Variants in PTTG1IP observed in about 807,000 individuals in gnomAD.
PTTG1IP encodes PTTG1 interacting protein.
Under a neutral mutation model 24.4 loss-of-function variants are expected in PTTG1IP, and 16 were observed. The observed-to-expected ratio is 0.66, with a 90% CI of 0.44 to 1.00. The LOEUF (loss-of-function observed/expected upper bound fraction) is 1.00. Ranked by LOEUF, PTTG1IP falls within the 50% of genes least tolerant of loss-of-function variation. PTTG1IP has a pLI of 0.00. For synonymous variants in PTTG1IP, 89 were observed against 96.8 expected, an observed-to-expected ratio of 0.92 and a Z score of 0.47; for missense variants, 241 against 245.8, an observed-to-expected ratio of 0.98 and a Z score of 0.13.
At chr21:44,864,447 A>G (rs2083519112) in intron 2 of PTTG1IP, among the ~76,000 whole-genome samples, 1 of 152,224 alleles carries the variant, frequency 6.6e-6, no homozygotes, top group Non-Finnish European at 1.5e-5. Flanking sequence ...CCCAGGCTAG[A>G]GTGCAGTGGC....
At chr21:44,861,881 C>A in intron 2 of PTTG1IP, 2 of 716,720 alleles carry the variant, frequency 2.8e-6, no homozygotes, top group South Asian at 3.0e-5. Context: ...TGAGCATGGT[C>A]ACCATCTGTA....
intron 2 of PTTG1IP, among the ~76,000 whole-genome samples, chr21:44,865,157 T>G (rs2083525673): frequency 6.6e-6 from 1 of 152,196 alleles, no homozygotes. Context: ...CCCATCTGCA[T>G]AGGAGTGAAA....
In PTTG1IP at chr21:44,862,332, C is replaced by T. The variant is rs578222568; in HGVS notation, c.169-1061G>A. On this transcript the variant is annotated intron_variant, in intron 2 of 5. Transcript: ENST00000330938. Reference sequence around the variant, plus strand: ...GTCAGAAGTTCGGGATCAGCCTGACCAACATGGAGAAACCCCATCTTTGTT... The same window carrying T: ...GTCAGAAGTTCGGGATCAGCCTGACTAACATGGAGAAACCCCATCTTTGTT... Among the ~76,000 whole-genome samples the T allele has an allele frequency of 2.0e-5, 3 of 152,290 alleles. No individual in the cohort carries two copies. In the East Asian group the frequency reaches 5.8e-4, roughly 29 times the overall value.
chr21:44,856,551 C>T (rs1211638797), intron 3 of PTTG1IP, among the ~76,000 whole-genome samples, 187 bp from the exon 4 acceptor site: 2 of 152,216 alleles, frequency 1.3e-5, no homozygotes, highest in East Asian at 1.9e-4. Flanking sequence ...CACAGGGTCC[C>T]GCCCTCTCCA....
intron 3 of PTTG1IP, among the ~76,000 whole-genome samples, chr21:44,856,783 C>A (rs1367182788): frequency 6.6e-6 from 1 of 152,156 alleles, no homozygotes; most frequent in Non-Finnish European, 1.5e-5. Flanking sequence ...CCTGATGCAG[C>A]TTTCTTTTTT....
chr21:44,859,872 GGTAA>G (rs2083477109), intron 3 of PTTG1IP, among the ~76,000 whole-genome samples: 1 of 152,094 alleles, frequency 6.6e-6, no homozygotes, highest in East Asian at 1.9e-4. Flanking sequence ...TTAGAAGAGT[GGTAA>G]GTAAGACGTA....
chr21:44,860,430 G>A (rs149273620), intron 3 of PTTG1IP, among the ~76,000 whole-genome samples: 5 of 150,128 alleles, frequency 3.3e-5, no homozygotes, highest in Admixed American at 2.0e-4. Flanking sequence ...ATTTAAAAAC[G>A]CCTCCAAAAT....
chr21:44,850,659 C>T lies in PTTG1IP; in HGVS notation c.*922G>A, dbSNP rs2083404078. 1 of 152,370 alleles carries T rather than the reference C, an allele frequency of 6.6e-6. No homozygotes were observed. Among genetic ancestry groups the T allele is most frequent in the Non-Finnish European group, 1.5e-5 (1 of 68,140 alleles). 9.4% of individuals were successfully genotyped at this position (152,370 alleles called of 1,614,324 possible). ...GGGGTGGACCCCGTCCCCACGATCC[C>T]TAAATGGCCACCCCCCAGACAGCCC... On this transcript the variant is annotated 3_prime_UTR_variant, in exon 6 of 6. Transcript: ENST00000330938.
intron 3 of PTTG1IP, among the ~76,000 whole-genome samples, chr21:44,858,536 A>T (rs2083465765): frequency 6.6e-6 from 1 of 152,126 alleles, no homozygotes; most frequent in African/African-American, 2.4e-5. Context: ...AATTAACCAA[A>T]CAAGCCCATC....
At chr21:44,869,137 G>T (rs2093554828) in intron 1 of PTTG1IP, among the ~76,000 whole-genome samples, 1 of 152,220 alleles carries the variant, frequency 6.6e-6, no homozygotes, top group African/African-American at 2.4e-5. Context: ...TCAAGACAAA[G>T]AGGAACTATT....
At chr21:44,871,006 TCAG>T (rs755979901) in intron 1 of PTTG1IP, among the ~76,000 whole-genome samples, 7 of 152,200 alleles carry the variant, frequency 4.6e-5, no homozygotes, top group African/African-American at 9.6e-5. Context: ...TCCATGCTCA[TCAG>T]CAGAACGAGC....
At chr21:44,863,957 C>G (rs1311231639) in intron 2 of PTTG1IP, among the ~76,000 whole-genome samples, 2 of 151,042 alleles carry the variant, frequency 1.3e-5, no homozygotes, top group African/African-American at 4.9e-5. Context: ...TCTTTCCCGG[C>G]CTCCTCAAAC....
intron 3 of PTTG1IP, among the ~76,000 whole-genome samples, 168 bp downstream of exon 3, chr21:44,860,995 G>T (rs927036938): frequency 1.3e-5 from 2 of 151,902 alleles, no homozygotes; most frequent in Non-Finnish European, 2.9e-5. Context: ...ATAGAGACGG[G>T]GCTTCACCAT....
In PTTG1IP at chr21:44,851,164, A is replaced by T; in HGVS notation, c.*417T>A. Reference sequence around the variant, plus strand: ...TGATGAGGGCTGGTCAGTTCTCCTCATGACAAAAGTCAAACCGACTTCCCT... The same window carrying T: ...TGATGAGGGCTGGTCAGTTCTCCTCTTGACAAAAGTCAAACCGACTTCCCT... On this transcript the variant is annotated 3_prime_UTR_variant, in exon 6 of 6. Coordinates refer to ENST00000330938, the MANE Select transcript of PTTG1IP (RefSeq NM_004339.4). The T allele has an allele frequency of 1.6e-6, 1 of 644,310 alleles. No homozygotes were observed. The highest frequency in any genetic ancestry group is 2.6e-6 in the Non-Finnish European group (1 of 390,218). The allele number at this position is 644,310 out of a possible 1,614,324, so 39.9% of individuals were successfully genotyped here.
chr21:44,858,627 C>T (rs1394191976), intron 3 of PTTG1IP, among the ~76,000 whole-genome samples: 3 of 152,204 alleles, frequency 2.0e-5, no homozygotes. Flanking sequence ...TGTGGTGCCC[C>T]CTCCCCACTG....
At chr21:44,851,767 G>A (rs1462668886) in intron 5 of PTTG1IP, 140 bp from the exon 6 acceptor site, 5 of 974,732 alleles carry the variant, frequency 5.1e-6, no homozygotes, top group Non-Finnish European at 7.2e-6. Flanking sequence ...CTCTCATACA[G>A]TGCTTAACCT....
At chr21:44,865,682 C>A in intron 1 of PTTG1IP, 1 of 595,476 alleles carries the variant, frequency 1.7e-6, no homozygotes, top group Middle Eastern at 4.0e-4. Flanking sequence ...TATAAACATG[C>A]GGCTCCTATC....
chr21:44,865,416 T>C lies in PTTG1IP; in HGVS notation c.147A>G (p.Glu49=). The change falls in exon 2 of 6, where the codon GAA becomes GAG. Residue 49 remains glutamate (E), a synonymous_variant. Coordinates refer to ENST00000330938, the MANE Select transcript of PTTG1IP (RefSeq NM_004339.4). The stretch of plus-strand genomic sequence containing the variant: ...TTACGGAGACGTTCTTCAGGCACTC[T>C]TCACAGGTTTTGTTTGTGTTCTGAG... ...ACSQNTNKTC[E]ECLKNVSCLW... is the part of the protein sequence containing the mutation. 6.2e-7 allele frequency: 1 copy of C among 1,614,160 alleles called. No individual in the cohort carries two copies. The highest frequency in any genetic ancestry group is 1.3e-5 in the African/African-American group (1 of 75,024).
intron 2 of PTTG1IP, chr21:44,861,991 C>T: frequency 1.6e-6 from 1 of 635,300 alleles, no homozygotes; most frequent in Non-Finnish European, 2.9e-6. Context: ...AAACTGACAG[C>T]TGGAGAGAAC....
Sources: allele counts gnomAD v4.1 joint callset (sites outside exome capture counted in the v4.1 genomes callset), GRCh38; gene constraint gnomAD v4.1.1; transcripts MANE v1.5; gene names NCBI Gene and HGNC (gene_info 2026-07-23, HGNC 2026-07-21).